The following STAT5B variants were observed in gnomAD, a reference collection of about 807,000 sequenced individuals.
STAT5B encodes signal transducer and activator of transcription 5B.
STAT5B carries 21 observed loss-of-function variants against 107.8 expected under a neutral mutation model. The ratio of observed to expected loss-of-function variants is 0.19; its 90% CI spans 0.14 to 0.28. The LOEUF (loss-of-function observed/expected upper bound fraction) is 0.28, where lower values mean the gene tolerates loss of function less well. Ranked by LOEUF, STAT5B falls within the 10% of genes least tolerant of loss-of-function variation. The probability of loss-of-function intolerance (pLI) is 1.00; values close to 1 mark genes in which losing one functional copy is unlikely to be tolerated. For missense variants in STAT5B, 565 were observed against 1,008.2 expected (o/e 0.56, Z 5.95); for synonymous variants, 325 against 401.7 (o/e 0.81, Z 2.28).
At chr17:42,206,492 T>G (rs752277987) in intron 16 of STAT5B, among the ~76,000 whole-genome samples, 13 of 152,364 alleles carry the variant, frequency 8.5e-5, no homozygotes, top group Middle Eastern at 3.4e-3. Flanking sequence ...TATCTATATA[T>G]AGAGTGCAAG....
At chr17:42,253,510 G>A (rs1598330830) in intron 1 of STAT5B, among the ~76,000 whole-genome samples, 1 of 152,334 alleles carries the variant, frequency 6.6e-6, no homozygotes, top group East Asian at 1.9e-4. Context: ...TTTGGGAGAT[G>A]TAGGGGCAGG....
In STAT5B at chr17:42,200,593, A is replaced by G. The variant is rs569123522; in HGVS notation, c.*1145T>C. ...GCAAGCTGGCCTAGGTTCAGCCCAC[A>G]CTGCTGCTACCTACTCTTCAAGACA... On this transcript the variant is annotated 3_prime_UTR_variant, in exon 19 of 19. Transcript: ENST00000293328. 1 of 153,302 alleles carries G rather than the reference A, an allele frequency of 6.5e-6. No individual in the cohort carries two copies. The highest frequency in any genetic ancestry group is 2.1e-4 in the South Asian group (1 of 4,820). 9.5% of individuals were successfully genotyped at this position (153,302 alleles called of 1,614,324 possible). A position where few individuals can be genotyped will look rare whatever the true frequency, so the allele number is the denominator to read the frequency against.
the STAT5B span, among the ~76,000 whole-genome samples, chr17:42,286,244 A>AC: frequency 5.7e-4 from 86 of 151,574 alleles, 2 homozygotes; most frequent in Non-Finnish European, 9.9e-4. Flanking sequence ...AAAAAAAAAA[A>AC]AAAAAAAAAA....
chr17:42,277,654 C>T (rs1046209899), upstream of STAT5B, among the ~76,000 whole-genome samples: 1 of 152,224 alleles, frequency 6.6e-6, no homozygotes, highest in Non-Finnish European at 1.5e-5. Flanking sequence ...GCCAACCAAC[C>T]CCGAGCTCTC....
At chr17:42,260,613 T>C (rs1461068295) in intron 1 of STAT5B, among the ~76,000 whole-genome samples, 1 of 152,114 alleles carries the variant, frequency 6.6e-6, no homozygotes, top group Non-Finnish European at 1.5e-5. Flanking sequence ...GGTCTCACTA[T>C]GTTGCCCAGG....
intron 1 of STAT5B, chr17:42,269,702 GTTC>G (rs2144426332): frequency 6.6e-6 from 1 of 152,278 alleles, no homozygotes; most frequent in South Asian, 2.1e-4. Flanking sequence ...GGGAATTGAA[GTTC>G]TTCTTGTCTG....
intron 5 of STAT5B, among the ~76,000 whole-genome samples, chr17:42,222,264 G>A (rs2080236642): frequency 6.6e-6 from 1 of 152,004 alleles, no homozygotes; most frequent in Non-Finnish European, 1.5e-5. Context: ...ACTGAGCTGG[G>A]CATGGAAGCA....
At chr17:42,249,261 C>T (rs1262359236) in intron 1 of STAT5B, among the ~76,000 whole-genome samples, 2 of 151,984 alleles carry the variant, frequency 1.3e-5, no homozygotes, top group Admixed American at 6.6e-5. Flanking sequence ...GGTGTGGTGG[C>T]GCGTGACTGT....
intron 1 of STAT5B, among the ~76,000 whole-genome samples, chr17:42,256,028 C>G (rs897086217): frequency 6.6e-6 from 1 of 152,058 alleles, no homozygotes; most frequent in African/African-American, 2.4e-5. Context: ...GTGAAGGTTG[C>G]AATGAGCTAA....
chr17:42,204,360 T>C (rs1053441278), intron 16 of STAT5B, among the ~76,000 whole-genome samples: 5 of 152,156 alleles, frequency 3.3e-5, no homozygotes, highest in Non-Finnish European at 7.3e-5. Context: ...TACGTGAATA[T>C]GGGAATCAGT....
intron 11 of STAT5B, 59 bp from the exon 12 acceptor site, chr17:42,216,165 CTTTT>C: frequency 1.8e-6 from 2 of 1,129,810 alleles, no homozygotes; most frequent in Non-Finnish European, 2.4e-6. Context: ...CTCCTTCTCT[CTTTT>C]TTTTTTTTCT....
rs185938423 is a variant in STAT5B, at chr17:42,211,105, A to G, written c.1681-608T>C. On this transcript the variant is annotated intron_variant, in intron 13 of 18. Transcript: ENST00000293328. ...AATCCCGGCTACTCAGGAGGCTGAGACAGGAGAATCACTTGAATCTGGGAG... is the reference window on the plus strand; with the variant it reads ...AATCCCGGCTACTCAGGAGGCTGAGGCAGGAGAATCACTTGAATCTGGGAG... Among the ~76,000 whole-genome samples the G allele has an allele frequency of 9.3e-3, 1,411 of 151,660 alleles. 16 individuals carry two copies. Among genetic ancestry groups the G allele is most frequent in the African/African-American group, 0.033 (1,355 of 41,360 alleles).
intron 1 of STAT5B, among the ~76,000 whole-genome samples, chr17:42,252,841 C>T (rs1443439040): frequency 6.6e-6 from 1 of 152,192 alleles, no homozygotes; most frequent in South Asian, 2.1e-4. Flanking sequence ...TATGATGATG[C>T]TAAGATGAGC....
At position 42,241,356 on chromosome 17, in the gene STAT5B, AAG is replaced by A. The variant is rs1166239795; in HGVS notation, c.-10-9221_-10-9220del. On this transcript the variant is annotated intron_variant, in intron 1 of 18. Coordinates refer to ENST00000293328, the MANE Select transcript of STAT5B (RefSeq NM_012448.4). ...ACTCCATCTCAAAAAAAAAAAAAAA[AAG>A]AGCAAATTCCCTAATTATGTTTACT... 3.1e-4 allele frequency among the ~76,000 whole-genome samples: 47 copies of A among 151,954 alleles called. No homozygotes were observed. The South Asian group carries it at 7.9e-3, about 26-fold the overall frequency.
chr17:42,283,547 C>T, the STAT5B span, among the ~76,000 whole-genome samples: 2 of 152,232 alleles, frequency 1.3e-5, no homozygotes, highest in Non-Finnish European at 2.9e-5. Flanking sequence ...CCCTTCCCCT[C>T]ATGCTATTCC....
intron 2 of STAT5B, among the ~76,000 whole-genome samples, chr17:42,229,951 T>C (rs1351666946): frequency 1.3e-5 from 2 of 152,160 alleles, no homozygotes; most frequent in Admixed American, 1.3e-4. Context: ...TTTTCCTTAA[T>C]ATCAACACAA....
At chr17:42,205,799 T>C (rs1242401228) in intron 16 of STAT5B, among the ~76,000 whole-genome samples, 2 of 152,116 alleles carry the variant, frequency 1.3e-5, no homozygotes, top group Non-Finnish European at 2.9e-5. Context: ...GTCCCAACTA[T>C]GTGGGAGGCT....
intron 12 of STAT5B, among the ~76,000 whole-genome samples, chr17:42,214,874 C>CA (rs1465260682): frequency 6.6e-6 from 1 of 152,146 alleles, no homozygotes; most frequent in African/African-American, 2.4e-5. Flanking sequence ...CTCAGCCCCC[C>CA]CCAAGTAGCT....
chr17:42,274,033 C>T (rs1050210464), intron 1 of STAT5B, among the ~76,000 whole-genome samples: 1 of 152,024 alleles, frequency 6.6e-6, no homozygotes, highest in Admixed American at 6.5e-5. Context: ...ACGATGATAG[C>T]ACATTTTTCT....
Sources: gnomAD v4.1 joint callset for allele counts (sites outside exome capture counted in the v4.1 genomes callset) on GRCh38, gnomAD v4.1.1 for gene constraint, MANE v1.5 for transcripts, NCBI Gene and HGNC (gene_info 2026-07-23, HGNC 2026-07-21) for gene names.